ZFHX3: variants seen among roughly 807,000 people sequenced by gnomAD.
ZFHX3 encodes zinc finger homeobox protein 3.
In ZFHX3, 42 loss-of-function variants were observed where a neutral mutation model predicts 279.1. The observed-to-expected ratio is 0.15, with a 90% confidence interval of 0.12 to 0.19. ZFHX3 has a LOEUF of 0.19. Ranked by LOEUF, ZFHX3 falls within the 10% of genes least tolerant of loss-of-function variation. ZFHX3 has a pLI of 1.00. For synonymous variants in ZFHX3, 2,293 were observed against 1,957.8 expected (o/e 1.17, Z -4.52); for missense variants, 4,981 against 4,754.0 (o/e 1.05, Z -1.40).
intron 5 of ZFHX3, among the ~76,000 whole-genome samples, chr16:73,156,427 T>A (rs1387121036): frequency 1.3e-5 from 2 of 152,136 alleles, no homozygotes; most frequent in African/African-American, 4.8e-5. Flanking sequence ...CAAAGCAGAC[T>A]GAAATGGATC....
intron 5 of ZFHX3, among the ~76,000 whole-genome samples, chr16:72,826,223 G>A (rs911437046): frequency 6.6e-5 from 10 of 152,166 alleles, no homozygotes; most frequent in Admixed American, 3.9e-4. Context: ...AAGGAAACCA[G>A]GAGGCCCACT....
chr16:73,572,168 T>A (rs1209030693), intron 2 of ZFHX3, among the ~76,000 whole-genome samples: 1 of 140,240 alleles, frequency 7.1e-6, no homozygotes, highest in East Asian at 2.1e-4. Context: ...TAAATATTCT[T>A]AAAAAAAAAA....
At chr16:73,411,879 C>A (rs967473062) in intron 3 of ZFHX3, among the ~76,000 whole-genome samples, 5 of 152,200 alleles carry the variant, frequency 3.3e-5, no homozygotes, top group Non-Finnish European at 7.3e-5. Flanking sequence ...TGTGTGACCT[C>A]CAGTCTACAT....
At chr16:73,174,965 C>T (rs1206800860) in intron 5 of ZFHX3, among the ~76,000 whole-genome samples, 1 of 151,812 alleles carries the variant, frequency 6.6e-6, no homozygotes, top group South Asian at 2.1e-4. Flanking sequence ...GAGGTGGAGG[C>T]TGCAGTGAAC....
chr16:73,428,842 G>C (rs868474566), intron 3 of ZFHX3, among the ~76,000 whole-genome samples: 1 of 152,186 alleles, frequency 6.6e-6, no homozygotes, highest in Non-Finnish European at 1.5e-5. Flanking sequence ...TCTGAAGACA[G>C]TAATTATTGG....
intron 2 of ZFHX3, among the ~76,000 whole-genome samples, chr16:73,507,330 A>G (rs2019343978): frequency 6.6e-6 from 1 of 152,156 alleles, no homozygotes; most frequent in Admixed American, 6.5e-5. Flanking sequence ...GCTGAAGGCC[A>G]GATTCCTTTA....
intron 1 of ZFHX3, among the ~76,000 whole-genome samples, chr16:72,968,752 T>C (rs1004802276): frequency 6.6e-6 from 1 of 152,204 alleles, no homozygotes; most frequent in Admixed American, 6.5e-5. Context: ...CATGAGCCAC[T>C]GTGCCCAGCC....
chr16:73,739,159 T>C (rs1431797589), intron 1 of ZFHX3, among the ~76,000 whole-genome samples: 1 of 152,184 alleles, frequency 6.6e-6, no homozygotes, highest in African/African-American at 2.4e-5. Flanking sequence ...TGCATTGCAC[T>C]TGCTCCCTTC....
intron 4 of ZFHX3, among the ~76,000 whole-genome samples, chr16:73,271,757 G>C (rs1445607636): frequency 2.0e-5 from 3 of 152,144 alleles, no homozygotes; most frequent in African/African-American, 7.2e-5. Flanking sequence ...CCCGTCTTCT[G>C]GTCCACCCTA....
chr16:73,751,921 G>C (rs1040996844), intron 1 of ZFHX3, among the ~76,000 whole-genome samples: 4 of 152,152 alleles, frequency 2.6e-5, no homozygotes, highest in Admixed American at 1.3e-4. Flanking sequence ...CTACAGCCTG[G>C]TCTTATGAGA....
intron 1 of ZFHX3, among the ~76,000 whole-genome samples, chr16:72,976,174 C>A (rs746646261): frequency 2.2e-4 from 34 of 152,382 alleles, no homozygotes; most frequent in African/African-American, 7.9e-4. Context: ...TCTGAAGCTG[C>A]ACCCTCTCTC....
At chr16:73,458,127 T>G (rs1024449801) in intron 2 of ZFHX3, among the ~76,000 whole-genome samples, 8 of 152,208 alleles carry the variant, frequency 5.3e-5, no homozygotes, top group African/African-American at 1.9e-4. Flanking sequence ...ACATCTATCT[T>G]TATAGAAATT....
At chr16:73,779,266 T>G (rs1209067214) in intron 1 of ZFHX3, among the ~76,000 whole-genome samples, 1 of 152,094 alleles carries the variant, frequency 6.6e-6, no homozygotes, top group African/African-American at 2.4e-5. Flanking sequence ...CACAGTAAAA[T>G]CAGTAAATAC....
intron 1 of ZFHX3, among the ~76,000 whole-genome samples, chr16:73,045,224 A>G (rs943887993): frequency 1.3e-5 from 2 of 152,228 alleles, no homozygotes; most frequent in African/African-American, 4.8e-5. Context: ...TGCTAGAACT[A>G]AGCCACATCA....
chr16:73,744,758 G>A (rs544110649), intron 1 of ZFHX3, among the ~76,000 whole-genome samples: 34 of 152,220 alleles, frequency 2.2e-4, no homozygotes, highest in African/African-American at 7.7e-4. Context: ...GACAGCTTTT[G>A]CATTCTGAAT....
At chr16:72,965,868 C>T (rs1312698173) in intron 1 of ZFHX3, among the ~76,000 whole-genome samples, 3 of 152,090 alleles carry the variant, frequency 2.0e-5, no homozygotes, top group Non-Finnish European at 2.9e-5. Flanking sequence ...GAGGAATTAG[C>T]GATTAGCTGT....
At chr16:73,584,949 G>A (rs565458318) in intron 2 of ZFHX3, among the ~76,000 whole-genome samples, 3 of 152,248 alleles carry the variant, frequency 2.0e-5, no homozygotes, top group Admixed American at 1.3e-4. Flanking sequence ...CTCAAAAGAC[G>A]ACATACATGT....
chr16:73,607,458 C>G (rs1019528147), intron 2 of ZFHX3, among the ~76,000 whole-genome samples: 1 of 152,168 alleles, frequency 6.6e-6, no homozygotes, highest in Admixed American at 6.5e-5. Context: ...GATACCTGCA[C>G]GCGTATGTTC....
At chr16:72,865,343 A>G (rs1184842031) in intron 4 of ZFHX3, among the ~76,000 whole-genome samples, 1 of 152,112 alleles carries the variant, frequency 6.6e-6, no homozygotes, top group Non-Finnish European at 1.5e-5. Flanking sequence ...GCCCAGCAGA[A>G]CCCTCAATAT....
Sources: allele counts gnomAD v4.1 joint callset (sites outside exome capture counted in the v4.1 genomes callset), GRCh38; gene constraint gnomAD v4.1.1; transcripts MANE v1.5; gene names NCBI Gene and HGNC (gene_info 2026-07-23, HGNC 2026-07-21).